The following HERC2 variants were observed in gnomAD, a reference collection of about 807,000 sequenced individuals.
HERC2 encodes HECT and RLD domain containing E3 ubiquitin protein ligase 2.
In HERC2, 102 loss-of-function variants were observed where a neutral mutation model predicts 537.7. The observed-to-expected ratio is 0.19, with a 90% CI of 0.16 to 0.22. HERC2 has a LOEUF of 0.22. HERC2 is among the 10% of genes least tolerant of loss of function. The pLI is 1.00. For synonymous variants in HERC2, 2,224 were observed against 2,466.2 expected (o/e 0.90, Z 2.91); for missense variants, 4,236 against 6,198.2 (o/e 0.68, Z 10.63).
chr15:28,266,073 T>G, intron 12 of HERC2, 99 bp from the exon 13 acceptor site: 1 of 1,304,064 alleles, frequency 7.7e-7, no homozygotes, highest in South Asian at 1.4e-5. Context: ...TAGACCAGCA[T>G]AGCATCAGGC....
rs575000351 is a variant in HERC2, at chr15:28,230,364, C to G, written c.4809+3G>C. 8.8e-6 allele frequency: 14 copies of G among 1,584,716 alleles called. No individual in the cohort carries two copies. In the African/African-American group the frequency reaches 1.5e-4, roughly 17 times the overall value. On this transcript the variant is annotated splice_donor_region_variant and intron_variant, in intron 31 of 92. Transcript: ENST00000261609. ...AACCTCAGAATCACAGAAAATACTG[C>G]ACCTTGGGTGATTTAATTGCAATGG...
At chr15:28,200,743 A>T (rs1299040534) in intron 48 of HERC2, among the ~76,000 whole-genome samples, 1 of 150,166 alleles carries the variant, frequency 6.7e-6, no homozygotes, top group African/African-American at 2.5e-5. Flanking sequence ...TTAAGGAATT[A>T]TTATTTATTT....
rs751715258 is a variant in HERC2 at position 28,272,315 on chromosome 15, C to A, written c.983G>T (p.Arg328Leu). Reference protein sequence around the residue: ...DSGAQETDNERSAQGTSAPLL... With the variant: ...DSGAQETDNELSAQGTSAPLL... ...TGGGGCGCTGGTGCCCTGGGCGGAA[C>A]GCTCATTGTCAGTCTCCTGTGCCCC... Residue 328 changes from arginine to leucine, a missense_variant, in exon 9 of 93, where the codon CGT becomes CTT. Arg to Leu is a moderately radical substitution (Grantham distance 102). Transcript: ENST00000261609. The A allele has an allele frequency of 6.2e-7, 1 of 1,611,888 alleles. No homozygotes were observed. The highest frequency in any genetic ancestry group is 8.5e-7 in the Non-Finnish European group (1 of 1,179,024).
chr15:28,157,789 A>G (rs1195297936), intron 69 of HERC2, among the ~76,000 whole-genome samples: 1 of 151,964 alleles, frequency 6.6e-6, no homozygotes, highest in African/African-American at 2.4e-5. Context: ...CTAGCTTCTG[A>G]ATGTGTTTGC....
intron 45 of HERC2, 56 bp from the exon 46 acceptor site, chr15:28,202,670 C>G: frequency 2.0e-6 from 1 of 494,906 alleles, no homozygotes; most frequent in South Asian, 2.1e-5. Context: ...CTAGCTTACA[C>G]AGTCTAGGAA....
rs1212424915 is a variant in HERC2 at position 28,214,715 on chromosome 15, G to C, written c.6298C>G (p.Leu2100Val). The C allele has an allele frequency of 6.2e-7, 1 of 1,611,960 alleles. No individual in the cohort carries two copies. Among genetic ancestry groups the C allele is most frequent in the African/African-American group, 1.3e-5 (1 of 74,990 alleles). ...AGCAAGCTTCCCAAGAAGTCAAACAGCTTCTCCACGAGGCATTTCATGTCC... is the reference window on the plus strand; with the variant it reads ...AGCAAGCTTCCCAAGAAGTCAAACACCTTCTCCACGAGGCATTTCATGTCC... ...ARDMKCLVEK[L>V]FDFLGSLLTT... is the part of the protein sequence containing the mutation. Residue 2100 changes from leucine (L) to valine (V), a missense_variant, in exon 40 of 93, where the codon CTG (leucine) becomes GTG (valine). Leu to Val is a conservative substitution (Grantham distance 32). This residue lies in a region of HERC2 where 365 missense variants were observed against 468.8 expected (regional missense o/e 0.78). Coordinates refer to ENST00000261609, the MANE Select transcript of HERC2 (RefSeq NM_004667.6).
chr15:28,215,528 G>C lies in HERC2; in HGVS notation c.6210+93C>G, dbSNP rs957886198. 6.8e-6 allele frequency: 7 copies of C among 1,034,606 alleles called. No individual in the cohort carries two copies. The African/African-American group carries it at 8.1e-5, about 12-fold the overall frequency. The allele number at this position is 1,034,606 out of a possible 1,614,324, so 64.1% of individuals were successfully genotyped here. ...TCACTTCTAGACCCTTTCTGCACTC[G>C]TTACTGAATAAAGGCCCCTGACTCT... On this transcript the variant is annotated intron_variant, in intron 39 of 92. Coordinates refer to ENST00000261609, the MANE Select transcript of HERC2 (RefSeq NM_004667.6).
intron 39 of HERC2, among the ~76,000 whole-genome samples, chr15:28,215,347 G>A (rs1460253717): frequency 6.6e-6 from 1 of 152,178 alleles, no homozygotes; most frequent in Non-Finnish European, 1.5e-5. Flanking sequence ...ATTATTTTTA[G>A]TTTAATTCTT....
rs774193867 is a variant in HERC2 at position 28,268,634 on chromosome 15, C to A, written c.1447-18G>T. 1.2e-6 allele frequency: 2 copies of A among 1,607,808 alleles called. No individual in the cohort carries two copies. The highest frequency in any genetic ancestry group is 1.7e-6 in the Non-Finnish European group (2 of 1,176,488). ...TGTGGGGCCTAAAGAAGGAAAAATACGAAGAAAAGTAGTCATCAGTCCAAG... is the reference window on the plus strand; with the variant it reads ...TGTGGGGCCTAAAGAAGGAAAAATAAGAAGAAAAGTAGTCATCAGTCCAAG... On this transcript the variant is annotated intron_variant, in intron 11 of 92. Coordinates refer to ENST00000261609, the MANE Select transcript of HERC2 (RefSeq NM_004667.6). The surrounding 1 kb of genome is among the most constrained non-coding windows in gnomAD (Gnocchi z 4.7).
chr15:28,120,154 A>AAGCACCGCGG (rs1419218841), intron 86 of HERC2, among the ~76,000 whole-genome samples: 1 of 152,194 alleles, frequency 6.6e-6, no homozygotes, highest in Non-Finnish European at 1.5e-5. Flanking sequence ...AGGGAAATAA[A>AAGCACCGCGG]AGCTTTTTTA....
At chr15:28,282,632 G>A (rs2076048785) in intron 4 of HERC2, among the ~76,000 whole-genome samples, 1 of 152,160 alleles carries the variant, frequency 6.6e-6, no homozygotes, top group Admixed American at 6.5e-5. Context: ...GAATAACACA[G>A]AAGAAATACA....
Position 28,196,354 on chromosome 15 carries a change from C to T in HERC2, c.8121G>A (p.Thr2707=), listed in dbSNP as rs1897338624. Residue 2707 remains threonine, a splice_region_variant and synonymous_variant, in exon 52 of 93, where the codon ACG becomes ACA. Transcript: ENST00000261609. ...ELVPSIHPGV[T]CDGCQMFPIN... is the part of the protein sequence containing the mutation. ...TAGGAAACATCTGACATCCATCACA[C>T]CTATTTGTAAAATAGCAACTGAGTT... 1 of 1,329,270 alleles carries T rather than the reference C, an allele frequency of 7.5e-7. No individual in the cohort carries two copies. The highest frequency in any genetic ancestry group is 2.3e-5 in the East Asian group (1 of 43,218). 82.3% of individuals were successfully genotyped at this position (1,329,270 alleles called of 1,614,324 possible).
chr15:28,255,925 C>A lies in HERC2; in HGVS notation c.2818G>T (p.Ala940Ser). The A allele has an allele frequency of 6.2e-7, 1 of 1,604,454 alleles. No individual in the cohort carries two copies. The highest frequency in any genetic ancestry group is 8.5e-7 in the Non-Finnish European group (1 of 1,179,804). The change falls in exon 19 of 93, where the codon GCT becomes TCT. Residue 940 changes from alanine to serine, a missense_variant. This residue lies in a region of HERC2 where 754 missense variants were observed against 1,085.0 expected (regional missense o/e 0.69). Transcript: ENST00000261609. Reference sequence around the variant, plus strand: ...AAGGCTGACTCCAACCCTCCATCAGCCATCAAGCTGCCCACCAGAAGATCA... The same window carrying A: ...AAGGCTGACTCCAACCCTCCATCAGACATCAAGCTGCCCACCAGAAGATCA... The part of the protein sequence containing the change: ...MIDLLVGSLM[A>S]DGGLESALHA...
At chr15:28,152,945 G>T (rs1020391073) in intron 69 of HERC2, 115 bp from the exon 70 acceptor site, 61 of 1,028,660 alleles carry the variant, frequency 5.9e-5, no homozygotes, top group Admixed American at 2.8e-5. Context: ...TGGCAGAGTG[G>T]AGGGCTTGGA....
In HERC2 at chr15:28,214,092, C is replaced by A; in HGVS notation, c.6539G>T (p.Gly2180Val). Residue 2180 changes from glycine to valine, a missense_variant, in exon 41 of 93, where the codon GGA becomes GTA. Physicochemically the swap from Gly to Val is moderately radical, Grantham distance 109 (BLOSUM62 -3). Around this residue, in one of 27 missense-constraint regions of HERC2, gnomAD observed 365 missense variants for 468.8 expected, o/e 0.78. Transcript: ENST00000261609. The stretch of plus-strand genomic sequence containing the variant: ...CAAACCCACCCCTTCGGAAGGCCTT[C>A]CCACAAAGCTGTGGGTGATGGAGCG... ...QLRSITHSFV[G>V]RPSEGAQLED... 6.2e-7 allele frequency: 1 copy of A among 1,614,190 alleles called. No individual in the cohort carries two copies. Among genetic ancestry groups the A allele is most frequent in the Non-Finnish European group, 8.5e-7 (1 of 1,179,996 alleles).
intron 76 of HERC2, 114 bp from the exon 77 acceptor site, chr15:28,141,960 T>C (rs1270138692): frequency 3.8e-5 from 33 of 863,892 alleles, no homozygotes; most frequent in Middle Eastern, 3.5e-4. Flanking sequence ...AAGAGCAACA[T>C]TGCAATGTTA....
At chr15:28,116,612 C>T (rs1888281710) in intron 88 of HERC2, 53 bp downstream of exon 88, 1 of 1,486,922 alleles carries the variant, frequency 6.7e-7, no homozygotes, top group African/African-American at 1.4e-5. Flanking sequence ...CATTTTAACT[C>T]AAGAGCAGGC....
intron 83 of HERC2, among the ~76,000 whole-genome samples, chr15:28,129,434 AC>A (rs555792931): frequency 7.1e-4 from 108 of 152,200 alleles, no homozygotes; most frequent in Admixed American, 1.4e-3. Context: ...TCACACAGGC[AC>A]CCCCTGCCTG....
rs1186953915 is a variant in HERC2 at position 28,117,095 on chromosome 15, A to C, written c.13332T>G (p.Phe4444Leu). The C allele has an allele frequency of 6.2e-7, 1 of 1,614,146 alleles. No individual in the cohort carries two copies. Among genetic ancestry groups the C allele is most frequent in the South Asian group, 1.1e-5 (1 of 91,088 alleles). ...LAGPDGTKSV[F>L]GQMCAKMSSF... ...AGCTCATCTTAGCACACATCTGCCC[A>C]AAGACAGACTTGGTGCCGTCGGGGC... Residue 4444 changes from phenylalanine (F) to leucine (L), a missense_variant, in exon 87 of 93, where the codon TTT (phenylalanine) becomes TTG (leucine). By Grantham distance (22) the Phe-to-Leu change is conservative. This residue lies in a region of HERC2 where 29 missense variants were observed against 102.1 expected (regional missense o/e 0.28). Coordinates refer to ENST00000261609, the MANE Select transcript of HERC2 (RefSeq NM_004667.6).
Sources: gnomAD v4.1 joint callset for allele counts (sites outside exome capture counted in the v4.1 genomes callset) on GRCh38, gnomAD v4.1.1 for gene constraint, gnomAD v4.1.1 regional missense constraint, Gnocchi (gnomAD v3.1) non-coding constraint, MANE v1.5 for transcripts, NCBI Gene and HGNC (gene_info 2026-07-23, HGNC 2026-07-21) for gene names.